The following STK38L variants were observed in gnomAD, a reference collection of about 807,000 sequenced individuals.
STK38L encodes serine/threonine-protein kinase 38-like.
STK38L carries 28 observed loss-of-function variants against 59.7 expected under a neutral mutation model. The ratio of observed to expected loss-of-function variants is 0.47; its 90% CI spans 0.35 to 0.64. The LOEUF (loss-of-function observed/expected upper bound fraction) is 0.64. Ranked by LOEUF, STK38L falls within the 30% of genes least tolerant of loss-of-function variation. The probability of loss-of-function intolerance (pLI) is 0.01; values close to 1 mark genes in which losing one functional copy is unlikely to be tolerated. For synonymous variants in STK38L, 162 were observed against 176.8 expected (o/e 0.92, Z 0.66); for missense variants, 314 against 555.8 (o/e 0.56, Z 4.37).
chr12:27,320,611 T>A (rs1348454987), intron 12 of STK38L, among the ~76,000 whole-genome samples: 2 of 152,074 alleles, frequency 1.3e-5, no homozygotes, highest in African/African-American at 2.4e-5. Context: ...AGCTAATTTT[T>A]AAAAATCATT....
intron 1 of STK38L, among the ~76,000 whole-genome samples, chr12:27,261,056 A>T (rs1943194488): frequency 6.6e-6 from 1 of 152,192 alleles, no homozygotes; most frequent in African/African-American, 2.4e-5. Flanking sequence ...AGCTATTGTA[A>T]CAAACTTGAA....
chr12:27,278,748 A>G (rs1011228486), intron 1 of STK38L, among the ~76,000 whole-genome samples: 4 of 152,196 alleles, frequency 2.6e-5, no homozygotes, highest in Non-Finnish European at 4.4e-5. Context: ...TAAAAACCTT[A>G]ACTCTCAGTT....
intron 1 of STK38L, among the ~76,000 whole-genome samples, chr12:27,288,468 A>G (rs904383362): frequency 2.0e-5 from 3 of 152,086 alleles, no homozygotes; most frequent in African/African-American, 7.2e-5. Context: ...AGGCAAAGGG[A>G]AGGATAGATC....
chr12:27,312,721 A>G, intron 6 of STK38L, 49 bp downstream of exon 6: 1 of 1,588,460 alleles, frequency 6.3e-7, no homozygotes, highest in African/African-American at 1.4e-5. Flanking sequence ...GCACATCTTT[A>G]TATGCAACAA....
chr12:27,301,832 T>C (rs1040363104), intron 2 of STK38L, among the ~76,000 whole-genome samples: 3 of 152,196 alleles, frequency 2.0e-5, no homozygotes, highest in East Asian at 1.9e-4. Context: ...TATTGGTAGA[T>C]TGAACATTAA....
At chr12:27,273,912 G>A (rs1943476731) in intron 1 of STK38L, among the ~76,000 whole-genome samples, 1 of 152,182 alleles carries the variant, frequency 6.6e-6, no homozygotes, top group South Asian at 2.1e-4. Context: ...CGTGTGGTTT[G>A]TGGCACTGAG....
chr12:27,300,121 A>G (rs1450988980), intron 2 of STK38L, among the ~76,000 whole-genome samples: 1 of 152,210 alleles, frequency 6.6e-6, no homozygotes, highest in East Asian at 1.9e-4. Flanking sequence ...AAGTAACAAT[A>G]AAATTATCTG....
At chr12:27,306,529 A>C (rs1396557509) in intron 3 of STK38L, among the ~76,000 whole-genome samples, 1 of 152,134 alleles carries the variant, frequency 6.6e-6, no homozygotes, top group African/African-American at 2.4e-5. Context: ...CCTATGTGCA[A>C]AAAAGGGTAT....
intron 1 of STK38L, among the ~76,000 whole-genome samples, chr12:27,284,891 T>G (rs1432789845): frequency 6.6e-6 from 1 of 152,230 alleles, no homozygotes; most frequent in Non-Finnish European, 1.5e-5. Context: ...CCTTCTGTTT[T>G]CTCATGGTTG....
At chr12:27,294,703 C>T (rs971850871) in intron 1 of STK38L, among the ~76,000 whole-genome samples, 22 of 149,996 alleles carry the variant, frequency 1.5e-4, no homozygotes, top group Non-Finnish European at 2.4e-4. Flanking sequence ...ACTTTTCCTT[C>T]TTTGACCTTT....
At chr12:27,272,087 T>C (rs1943436412) in intron 1 of STK38L, among the ~76,000 whole-genome samples, 1 of 152,260 alleles carries the variant, frequency 6.6e-6, no homozygotes, top group Non-Finnish European at 1.5e-5. Context: ...TTTCATTAAG[T>C]TGCTGTTACT....
intron 2 of STK38L, chr12:27,300,599 G>A (rs1314303357): frequency 2.2e-6 from 1 of 455,970 alleles, no homozygotes; most frequent in South Asian, 1.5e-5. Context: ...GAAGTGCCTA[G>A]GGGTAGGTGA....
chr12:27,252,374 G>A (rs949888628), intron 1 of STK38L, among the ~76,000 whole-genome samples: 7 of 152,196 alleles, frequency 4.6e-5, no homozygotes, highest in African/African-American at 1.4e-4. Context: ...ATGTTTGAGA[G>A]CTCAGACAGC....
At chr12:27,276,457 C>T (rs1380356169) in intron 1 of STK38L, among the ~76,000 whole-genome samples, 2 of 152,112 alleles carry the variant, frequency 1.3e-5, no homozygotes, top group African/African-American at 2.4e-5. Flanking sequence ...CCCAGGACCA[C>T]GACTTCCACC....
At chr12:27,277,374 T>C (rs1398387469) in intron 1 of STK38L, among the ~76,000 whole-genome samples, 1 of 136,844 alleles carries the variant, frequency 7.3e-6, no homozygotes, top group Non-Finnish European at 1.6e-5. Context: ...CACACAGCAG[T>C]AGGAGAACTG....
rs1426827578 is a variant in STK38L at position 27,297,855 on chromosome 12, G to A, written c.134+1G>A. 6.2e-7 allele frequency: 1 copy of A among 1,613,822 alleles called. No individual in the cohort carries two copies. The highest frequency in any genetic ancestry group is 1.3e-5 in the African/African-American group (1 of 74,896). ...TACAGCATGAAGAGAGAGAAACCAGGTATAGTAAGGGCTAATCAAAACTTT... is the reference window on the plus strand; with the variant it reads ...TACAGCATGAAGAGAGAGAAACCAGATATAGTAAGGGCTAATCAAAACTTT... On this transcript the variant is annotated splice_donor_variant, in intron 2 of 13. Transcript: ENST00000389032. LOFTEE classifies it high-confidence loss of function.
At chr12:27,257,477 A>G (rs1943114054) in intron 1 of STK38L, among the ~76,000 whole-genome samples, 1 of 152,164 alleles carries the variant, frequency 6.6e-6, no homozygotes, top group Non-Finnish European at 1.5e-5. Context: ...TTCTTAATTC[A>G]CATTCCAATC....
At chr12:27,246,336 G>GTA (rs1942852064) in intron 1 of STK38L, among the ~76,000 whole-genome samples, 1 of 151,920 alleles carries the variant, frequency 6.6e-6, no homozygotes, top group Non-Finnish European at 1.5e-5. Context: ...TTTTGTGTGT[G>GTA]TGTGGCACTT....
intron 1 of STK38L, among the ~76,000 whole-genome samples, chr12:27,281,569 T>C (rs1006879091): frequency 6.6e-6 from 1 of 152,152 alleles, no homozygotes; most frequent in African/African-American, 2.4e-5. Context: ...ACCTACCTCA[T>C]AGAGTTGTTG....
Sources: gnomAD v4.1 joint callset for allele counts (sites outside exome capture counted in the v4.1 genomes callset) on GRCh38, gnomAD v4.1.1 for gene constraint, MANE v1.5 for transcripts, NCBI Gene and HGNC (gene_info 2026-07-23, HGNC 2026-07-21) for gene names.